Variants in GABRG3 observed in about 807,000 individuals in gnomAD.
GABRG3 encodes the protein gamma-aminobutyric acid receptor subunit gamma-3.
Under a neutral mutation model 48.8 loss-of-function variants are expected in GABRG3, and 25 were observed. That is an observed-to-expected ratio of 0.51 (90% CI 0.37 to 0.72). The LOEUF (loss-of-function observed/expected upper bound fraction) is 0.72, where lower values mean the gene tolerates loss of function less well. Among genes scored for constraint, GABRG3 ranks in the 30% least tolerant of loss-of-function variants. The probability of loss-of-function intolerance (pLI) is 0.00; values close to 1 mark genes in which losing one functional copy is unlikely to be tolerated. For missense variants in GABRG3, 394 were observed against 577.9 expected (o/e 0.68, Z 3.26); for synonymous variants, 227 against 217.6 (o/e 1.04, Z -0.38).
chr15:27,431,536 T>C (rs1330353803), intron 5 of GABRG3, among the ~76,000 whole-genome samples: 1 of 152,216 alleles, frequency 6.6e-6, no homozygotes, highest in Non-Finnish European at 1.5e-5. Context: ...CTTAATTGTC[T>C]TGTATTAAAC....
At chr15:27,208,235 G>T in intron 3 of GABRG3, 1 of 164,270 alleles carries the variant, frequency 6.1e-6, no homozygotes, top group South Asian at 1.6e-4. Flanking sequence ...TAAGGTACAT[G>T]ATAACTAGAG....
At chr15:27,297,774 A>G (rs1014811921) in intron 3 of GABRG3, among the ~76,000 whole-genome samples, 4 of 152,178 alleles carry the variant, frequency 2.6e-5, no homozygotes, top group Non-Finnish European at 4.4e-5. Flanking sequence ...TAAAATAATA[A>G]TTGTAACAAT....
intron 3 of GABRG3, among the ~76,000 whole-genome samples, chr15:27,310,028 A>G (rs1210566914): frequency 6.6e-6 from 1 of 152,130 alleles, no homozygotes; most frequent in African/African-American, 2.4e-5. Context: ...GACAAATCTC[A>G]GAGGCATTAT....
intron 3 of GABRG3, among the ~76,000 whole-genome samples, chr15:27,281,572 G>T (rs1891435291): frequency 6.6e-6 from 1 of 151,038 alleles, no homozygotes; most frequent in African/African-American, 2.4e-5. Context: ...GGTGATACAT[G>T]ATACATATAC....
At chr15:27,039,291 C>T (rs533374658) in intron 3 of GABRG3, among the ~76,000 whole-genome samples, 2 of 152,270 alleles carry the variant, frequency 1.3e-5, no homozygotes, top group South Asian at 4.1e-4. Flanking sequence ...AAAGACTGGC[C>T]AAGCACAGGA....
chr15:27,444,513 A>G lies in GABRG3; in HGVS notation c.575-36137A>G, dbSNP rs1432964442. Among the ~76,000 whole-genome samples the G allele has an allele frequency of 2.0e-5, 3 of 152,136 alleles. 1 individual carries two copies. Among genetic ancestry groups the G allele is most frequent in the Non-Finnish European group, 4.4e-5 (3 of 68,016 alleles). On this transcript the variant is annotated intron_variant, in intron 5 of 9. Transcript: ENST00000615808. ...CTTCACTGGACTTCGAAGTTTCTGT[A>G]TCTTTATGTTTTAAATATGTTTCTT...
At chr15:27,364,987 T>G (rs1895144111) in intron 5 of GABRG3, 1 of 152,122 alleles carries the variant, frequency 6.6e-6, no homozygotes, top group Admixed American at 6.5e-5. Flanking sequence ...ATTCCTCAAA[T>G]GTTGATATTT....
chr15:27,022,726 C>T (rs2140678847), intron 2 of GABRG3, among the ~76,000 whole-genome samples: 1 of 152,302 alleles, frequency 6.6e-6, no homozygotes, highest in South Asian at 2.1e-4. Flanking sequence ...ATTCCTTCCC[C>T]AGCAAGGCTG....
At chr15:27,416,646 C>G (rs980539309) in intron 5 of GABRG3, among the ~76,000 whole-genome samples, 19 of 152,232 alleles carry the variant, frequency 1.2e-4, no homozygotes, top group Non-Finnish European at 2.2e-4. Flanking sequence ...TCAGAATCTG[C>G]CACACTGAGC....
intron 5 of GABRG3, among the ~76,000 whole-genome samples, chr15:27,456,972 C>T (rs1262450585): frequency 6.6e-6 from 1 of 152,204 alleles, no homozygotes; most frequent in East Asian, 1.9e-4. Flanking sequence ...TCCTACCAGC[C>T]CCAGAAGAGC....
At chr15:27,313,144 A>G (rs1893053722) in intron 3 of GABRG3, among the ~76,000 whole-genome samples, 1 of 147,182 alleles carries the variant, frequency 6.8e-6, no homozygotes, top group African/African-American at 2.5e-5. Flanking sequence ...AAAGATGGCC[A>G]TAATGTAATG....
intron 5 of GABRG3, among the ~76,000 whole-genome samples, chr15:27,410,091 C>G (rs1887750912): frequency 6.6e-6 from 1 of 152,114 alleles, no homozygotes; most frequent in African/African-American, 2.4e-5. Context: ...ATGTTTTTCT[C>G]TATTCCTAAT....
At chr15:27,154,499 A>G (rs1043376154) in intron 3 of GABRG3, among the ~76,000 whole-genome samples, 11 of 152,132 alleles carry the variant, frequency 7.2e-5, no homozygotes, top group Non-Finnish European at 1.6e-4. Flanking sequence ...AAGTTGAGGA[A>G]GTTCTCCTCT....
intron 3 of GABRG3, among the ~76,000 whole-genome samples, chr15:27,109,813 G>A (rs1440250854): frequency 6.6e-6 from 1 of 152,184 alleles, no homozygotes; most frequent in African/African-American, 2.4e-5. Context: ...ACTCGGGAGA[G>A]GGAGGTTGTA....
At chr15:27,229,185 G>A (rs562215360) in intron 3 of GABRG3, among the ~76,000 whole-genome samples, 1 of 152,204 alleles carries the variant, frequency 6.6e-6, no homozygotes, top group South Asian at 2.1e-4. Context: ...TTCCAGGGTT[G>A]CTATAGTTTT....
intron 5 of GABRG3, among the ~76,000 whole-genome samples, chr15:27,373,757 G>T (rs10152801): frequency 0.16 from 23,972 of 151,934 alleles, 3,022 homozygotes; most frequent in African/African-American, 0.35. Context: ...TTTTCTCTCC[G>T]GATGATTTAT....
chr15:27,176,122 T>G (rs1595567594), intron 3 of GABRG3, among the ~76,000 whole-genome samples: 2 of 152,238 alleles, frequency 1.3e-5, no homozygotes. Flanking sequence ...CAGTTCCTTT[T>G]TTTAACTTTA....
Position 27,166,807 on chromosome 15 carries a change from T to A in GABRG3, c.270+139986T>A, listed in dbSNP as rs547481870. Among the ~76,000 whole-genome samples the A allele has an allele frequency of 2.6e-5, 4 of 152,336 alleles. No homozygotes were observed. In the South Asian group the frequency reaches 8.3e-4, roughly 32 times the overall value. Reference sequence around the variant, plus strand: ...GAAATCCATTATACTGCAGGGTGCATGTCTCAATGCAAAGACAAAGCACTG... The same window carrying A: ...GAAATCCATTATACTGCAGGGTGCAAGTCTCAATGCAAAGACAAAGCACTG... On this transcript the variant is annotated intron_variant, in intron 3 of 9. Coordinates refer to ENST00000615808, the MANE Select transcript of GABRG3 (RefSeq NM_033223.5).
intron 2 of GABRG3, among the ~76,000 whole-genome samples, chr15:26,990,332 G>A (rs931163424): frequency 2.0e-5 from 3 of 152,168 alleles, no homozygotes; most frequent in African/African-American, 7.2e-5. Flanking sequence ...TGGGGTGAGA[G>A]GATATCTCAT....
Sources: gnomAD v4.1 joint callset for allele counts (sites outside exome capture counted in the v4.1 genomes callset) on GRCh38, gnomAD v4.1.1 for gene constraint, MANE v1.5 for transcripts, NCBI Gene and HGNC (gene_info 2026-07-23, HGNC 2026-07-21) for gene names.